AFF3: variants seen among roughly 807,000 people sequenced by gnomAD.
AFF3 encodes AF4/FMR2 family member 3.
Under a neutral mutation model 129.7 loss-of-function variants are expected in AFF3, and 32 were observed. That is an observed-to-expected ratio of 0.25 (90% CI 0.19 to 0.33). The LOEUF is 0.33. Among genes scored for constraint, AFF3 ranks in the 10% least tolerant of loss-of-function variants. The pLI is 1.00. For missense variants in AFF3, 1,373 were observed against 1,592.0 expected (o/e 0.86, Z 2.34); for synonymous variants, 644 against 635.4 (o/e 1.01, Z -0.20).
chr2:100,045,186 G>A lies in AFF3; in HGVS notation c.54-36254C>T, dbSNP rs551699513. Among the ~76,000 whole-genome samples, 66 of 152,228 alleles carry A rather than the reference G, an allele frequency of 4.3e-4. 1 individual carries two copies. The highest frequency in any genetic ancestry group is 1.5e-3 in the African/African-American group (61 of 41,526). On this transcript the variant is annotated intron_variant, in intron 4 of 24. Coordinates refer to ENST00000672756, the MANE Select transcript of AFF3 (RefSeq NM_001386135.1). ...AGGGGAGGAGGGTGAGGAGCTGGCC[G>A]TTTTCCTTATCAAGTGGTCAGTGGT...
intron 18 of AFF3, chr2:99,572,771 G>C (rs1676624697): frequency 2.5e-6 from 1 of 401,412 alleles, no homozygotes; most frequent in African/African-American, 2.1e-5. Context: ...CACAGAGTCA[G>C]TGAAGACTAT....
At chr2:99,657,785 C>T (rs1398901551) in intron 12 of AFF3, among the ~76,000 whole-genome samples, 3 of 152,128 alleles carry the variant, frequency 2.0e-5, no homozygotes, top group Non-Finnish European at 4.4e-5. Context: ...CCTAGTATAT[C>T]CTGAGAAAAA....
intron 4 of AFF3, among the ~76,000 whole-genome samples, chr2:100,060,307 T>A (rs1037221742): frequency 6.6e-6 from 1 of 152,206 alleles, no homozygotes; most frequent in Non-Finnish European, 1.5e-5. Flanking sequence ...CACAGGGTGA[T>A]CATCTTACAG....
chr2:99,613,449 T>A (rs1267053860), intron 13 of AFF3, among the ~76,000 whole-genome samples: 1 of 152,198 alleles, frequency 6.6e-6, no homozygotes, highest in Non-Finnish European at 1.5e-5. Flanking sequence ...TTTTGTCAAT[T>A]TTTGAATTTT....
chr2:99,858,186 T>C (rs1029403943), intron 7 of AFF3, among the ~76,000 whole-genome samples: 2 of 152,036 alleles, frequency 1.3e-5, no homozygotes, highest in African/African-American at 2.4e-5. Flanking sequence ...ACCTTCAACA[T>C]GGAGCTGGGC....
chr2:99,582,811 C>T lies in AFF3; in HGVS notation c.2780G>A (p.Gly927Asp), dbSNP rs1412439693. Residue 927 changes from glycine (G) to aspartate (D), a missense_variant, in exon 17 of 25, where the codon GGC becomes GAC. By Grantham distance (94) the Gly-to-Asp change is moderately conservative (BLOSUM62 -1). Coordinates refer to ENST00000672756, the MANE Select transcript of AFF3 (RefSeq NM_001386135.1). ...GCATCAACAAACCGTGAGGTCTCCG[C>T]CGTGAGGCTGCAGCTGGCTGTCGGC... ...PKADSQLQPH[G>D]GDLTKAAHNN... The T allele has an allele frequency of 3.7e-6, 6 of 1,613,992 alleles. No individual in the cohort carries two copies. The highest frequency in any genetic ancestry group is 5.1e-6 in the Non-Finnish European group (6 of 1,180,016).
intron 7 of AFF3, among the ~76,000 whole-genome samples, chr2:99,948,980 T>C (rs563883600): frequency 3.2e-4 from 49 of 152,330 alleles, no homozygotes; most frequent in South Asian, 1.0e-3. Flanking sequence ...CTTGTTTAAG[T>C]TGACAATAAT....
intron 13 of AFF3, among the ~76,000 whole-genome samples, chr2:99,628,738 TGAGACAGAGTC>T (rs1682843666): frequency 6.2e-4 from 92 of 148,286 alleles, no homozygotes; most frequent in Non-Finnish European, 6.0e-4. Flanking sequence ...TTTTTTTTTT[TGAGACAGAGTC>T]TTGTTCTGTT....
rs1237186951 is a variant in AFF3, at chr2:99,549,664, T to C, written c.*1810A>G. 4 of 213,918 alleles carry C rather than the reference T, an allele frequency of 1.9e-5. No individual in the cohort carries two copies. The highest frequency in any genetic ancestry group is 1.8e-4 in the Admixed American group (3 of 17,068). The allele number at this position is 213,918 out of a possible 1,614,324, so 13.3% of individuals were successfully genotyped here. ...AAATTCTCTTAATATTTCCAAATGC[T>C]TGAAGGCCAAAGCCAAATGCAAATT... is the stretch of plus-strand genomic sequence containing the variant. On this transcript the variant is annotated 3_prime_UTR_variant, in exon 25 of 25. Transcript: ENST00000672756.
At chr2:100,015,288 C>A (rs982664692) in intron 4 of AFF3, among the ~76,000 whole-genome samples, 1 of 152,112 alleles carries the variant, frequency 6.6e-6, no homozygotes, top group Non-Finnish European at 1.5e-5. Context: ...ACACTCTCCC[C>A]CTTTTTACAG....
chr2:99,849,549 A>T (rs1027483726), intron 7 of AFF3, among the ~76,000 whole-genome samples: 15 of 152,202 alleles, frequency 9.9e-5, no homozygotes, highest in African/African-American at 3.4e-4. Flanking sequence ...CAGTAACAGC[A>T]CCTACGAAAT....
chr2:100,106,725 C>G, intron 2 of AFF3: 1 of 986,022 alleles, frequency 1.0e-6, no homozygotes, highest in African/African-American at 1.7e-5. Flanking sequence ...CTTTCCTTCC[C>G]TTCCCACCAC....
chr2:99,674,211 C>T (rs954099817), intron 11 of AFF3, among the ~76,000 whole-genome samples: 4 of 152,156 alleles, frequency 2.6e-5, no homozygotes, highest in Non-Finnish European at 4.4e-5. Flanking sequence ...GGCTGTAAAG[C>T]GGCACCCCCA....
chr2:99,838,492 T>C (rs13402977), intron 7 of AFF3, among the ~76,000 whole-genome samples: 238 of 152,322 alleles, frequency 1.6e-3, no homozygotes, highest in African/African-American at 5.5e-3. Context: ...TAATTCCTAG[T>C]TAAGTCATCC....
chr2:99,565,480 T>G lies in AFF3; in HGVS notation c.3119+7A>C, dbSNP rs981644667. 1.2e-6 allele frequency: 2 copies of G among 1,613,390 alleles called. No individual in the cohort carries two copies. Among genetic ancestry groups the G allele is most frequent in the Non-Finnish European group, 1.7e-6 (2 of 1,179,342 alleles). On this transcript the variant is annotated splice_region_variant and intron_variant, in intron 20 of 24. Coordinates refer to ENST00000672756, the MANE Select transcript of AFF3 (RefSeq NM_001386135.1). ...CCCCTCATCCAGCAAGAAAACACGGTGCTTACCTGATGAGCTCTACTGTTT... is the reference window on the plus strand; with the variant it reads ...CCCCTCATCCAGCAAGAAAACACGGGGCTTACCTGATGAGCTCTACTGTTT...
intron 13 of AFF3, among the ~76,000 whole-genome samples, chr2:99,637,150 G>A (rs114639311): frequency 0.026 from 3,981 of 152,284 alleles, 175 homozygotes; most frequent in African/African-American, 0.09. Context: ...CATGGGCTTT[G>A]GCCAGTTTTC....
At chr2:100,031,779 C>T (rs1232019063) in intron 4 of AFF3, among the ~76,000 whole-genome samples, 2 of 152,174 alleles carry the variant, frequency 1.3e-5, no homozygotes, top group African/African-American at 4.8e-5. Flanking sequence ...GGCTTATCAC[C>T]TGAAGTATAA....
chr2:99,959,339 CA>C (rs34083581), intron 7 of AFF3, among the ~76,000 whole-genome samples: 13,401 of 67,060 alleles, frequency 0.2, 458 homozygotes, highest in African/African-American at 0.32. Flanking sequence ...AAGAGTCTGC[CA>C]AAAAAAAAAA....
intron 18 of AFF3, among the ~76,000 whole-genome samples, chr2:99,575,549 C>T (rs949922540): frequency 6.6e-6 from 1 of 151,952 alleles, no homozygotes; most frequent in Non-Finnish European, 1.5e-5. Flanking sequence ...GCATGAGCCA[C>T]CGCGCCTGGC....
Sources: allele counts gnomAD v4.1 joint callset (sites outside exome capture counted in the v4.1 genomes callset), GRCh38; gene constraint gnomAD v4.1.1; transcripts MANE v1.5; gene names NCBI Gene and HGNC (gene_info 2026-07-23, HGNC 2026-07-21).